The following CHODL variants were observed in gnomAD, a reference collection of about 807,000 sequenced individuals.
CHODL encodes chondrolectin, also known as transmembrane protein MT75.
In CHODL, 29 loss-of-function variants were observed where a neutral mutation model predicts 34.5. The observed-to-expected ratio is 0.84, with a 90% CI of 0.63 to 1.15. The LOEUF is 1.15. Among genes scored for constraint, CHODL ranks in the 50% most tolerant of loss-of-function variants. CHODL has a pLI of 0.00. For missense variants in CHODL, 332 were observed against 332.5 expected (o/e 1.00, Z 0.01); for synonymous variants, 125 against 116.1 (o/e 1.08, Z -0.49).
chr21:18,159,452 T>TC (rs1269136636), intron 2 of CHODL, among the ~76,000 whole-genome samples: 1 of 152,230 alleles, frequency 6.6e-6, no homozygotes, highest in African/African-American at 2.4e-5. Flanking sequence ...ATTGAAACCC[T>TC]CAGTTTTATA....
rs1159511070 is a variant in CHODL at position 18,174,123 on chromosome 21, G to GTATATATA, written c.-44-82355_-44-82348dup. On this transcript the variant is annotated intron_variant, in intron 2 of 6. Transcript: ENST00000400127. ...GATATATATATATATATATCTTGGT[G>GTATATATA]TATATATATATATATATATATATAT... 4.0e-3 allele frequency among the ~76,000 whole-genome samples: 86 copies of GTATATATA among 21,504 alleles called. 1 individual carries two copies. Among genetic ancestry groups the GTATATATA allele is most frequent in the South Asian group, 0.013 (9 of 716 alleles). 14.1% of individuals were successfully genotyped at this position (21,504 alleles called of 152,430 possible).
chr21:17,958,113 A>G (rs1445214650), intron 1 of CHODL, among the ~76,000 whole-genome samples: 1 of 152,044 alleles, frequency 6.6e-6, no homozygotes, highest in Non-Finnish European at 1.5e-5. Flanking sequence ...ATTTAGGCAC[A>G]TTTCCTGTCA....
chr21:17,978,065 A>C (rs197578), intron 1 of CHODL, among the ~76,000 whole-genome samples: 33,873 of 152,102 alleles, frequency 0.22, 4,958 homozygotes, highest in African/African-American at 0.41. Context: ...GTTATCCCAC[A>C]GTTCTGTAGG....
chr21:18,147,620 C>A (rs1043711402), intron 2 of CHODL, among the ~76,000 whole-genome samples: 4 of 152,134 alleles, frequency 2.6e-5, no homozygotes, highest in Non-Finnish European at 5.9e-5. Flanking sequence ...GATTGGCAGT[C>A]TTTTTCTGCA....
At chr21:18,224,071 G>T (rs557814281) in intron 2 of CHODL, among the ~76,000 whole-genome samples, 5 of 152,092 alleles carry the variant, frequency 3.3e-5, no homozygotes, top group Non-Finnish European at 4.4e-5. Flanking sequence ...GCCCAATACG[G>T]CTCTTGCTGA....
At chr21:18,007,818 T>A (rs2063974641) in intron 1 of CHODL, among the ~76,000 whole-genome samples, 1 of 152,196 alleles carries the variant, frequency 6.6e-6, no homozygotes, top group East Asian at 1.9e-4. Flanking sequence ...GTCTGCAAAG[T>A]TTTTATATTT....
At chr21:18,009,887 C>CAAAAAAAAAG (rs2063997134) in intron 1 of CHODL, among the ~76,000 whole-genome samples, 1 of 94,800 alleles carries the variant, frequency 1.1e-5, no homozygotes, top group African/African-American at 5.1e-5. Context: ...GACTCCGTCT[C>CAAAAAAAAAG]AAAAAAAAAA....
chr21:17,953,256 C>A (rs1044167369), intron 1 of CHODL, among the ~76,000 whole-genome samples: 1 of 152,122 alleles, frequency 6.6e-6, no homozygotes, highest in South Asian at 2.1e-4. Context: ...GTTAAGGATG[C>A]ATATTATAAT....
chr21:18,248,994 ATGTATTT>A (rs2074196016), intron 1 of CHODL, among the ~76,000 whole-genome samples: 1 of 111,222 alleles, frequency 9.0e-6, no homozygotes, highest in African/African-American at 4.1e-5. Context: ...TTATACATAT[ATGTATTT>A]ATATATAATA....
intron 2 of CHODL, chr21:18,099,813 G>T (rs1285971070): frequency 2.6e-5 from 4 of 152,100 alleles, no homozygotes; most frequent in Admixed American, 2.6e-4. Context: ...AAGTGGGTGG[G>T]TTAACTAAGA....
intron 1 of CHODL, among the ~76,000 whole-genome samples, chr21:18,015,886 G>A (rs1160644042): frequency 6.6e-6 from 1 of 152,130 alleles, no homozygotes. Context: ...AAGCAGCAAA[G>A]CTTAGAAATG....
chr21:18,246,014 A>G (rs2074137162), intron 1 of CHODL: 1 of 1,320,250 alleles, frequency 7.6e-7, no homozygotes, highest in Non-Finnish European at 1.1e-6. Flanking sequence ...TGGGAAATCG[A>G]TCAAAATTGG....
intron 2 of CHODL, among the ~76,000 whole-genome samples, chr21:18,113,886 A>C (rs2065380964): frequency 6.6e-6 from 1 of 152,234 alleles, no homozygotes; most frequent in South Asian, 2.1e-4. Context: ...ACTTGGAAGC[A>C]ACCTAAGTGT....
At chr21:17,989,376 A>T (rs1018418216) in intron 1 of CHODL, among the ~76,000 whole-genome samples, 2 of 152,180 alleles carry the variant, frequency 1.3e-5, no homozygotes, top group African/African-American at 4.8e-5. Flanking sequence ...CCAAAATTTC[A>T]TAGTTTTATC....
chr21:18,104,177 G>T (rs1283258195), intron 2 of CHODL, among the ~76,000 whole-genome samples: 1 of 152,170 alleles, frequency 6.6e-6, no homozygotes, highest in South Asian at 2.1e-4. Flanking sequence ...AGTGAAGTGG[G>T]TTTATGCATG....
intron 1 of CHODL, among the ~76,000 whole-genome samples, chr21:18,001,939 G>A (rs1354160349): frequency 6.6e-6 from 1 of 151,950 alleles, no homozygotes; most frequent in Non-Finnish European, 1.5e-5. Context: ...AAATCAATGG[G>A]TACCAATTTT....
intron 2 of CHODL, among the ~76,000 whole-genome samples, chr21:18,102,705 T>C (rs2065230373): frequency 6.6e-6 from 1 of 152,224 alleles, no homozygotes; most frequent in South Asian, 2.1e-4. Flanking sequence ...AATCAAAGTT[T>C]TTAGGCAAGT....
intron 1 of CHODL, among the ~76,000 whole-genome samples, chr21:18,248,704 TA>T (rs2074182310): frequency 1.6e-5 from 2 of 121,598 alleles, no homozygotes; most frequent in African/African-American, 6.8e-5. Context: ...CATATATATG[TA>T]TATAATATAT....
At chr21:18,088,117 A>T (rs2065028952) in intron 2 of CHODL, among the ~76,000 whole-genome samples, 1 of 152,166 alleles carries the variant, frequency 6.6e-6, no homozygotes, top group Admixed American at 6.5e-5. Context: ...CTCCTCCAAC[A>T]GTGATGATTA....
Sources: gnomAD v4.1 joint callset for allele counts (sites outside exome capture counted in the v4.1 genomes callset) on GRCh38, gnomAD v4.1.1 for gene constraint, MANE v1.5 for transcripts, NCBI Gene and HGNC (gene_info 2026-07-23, HGNC 2026-07-21) for gene names.